CPT1B: variants seen among roughly 807,000 people sequenced by gnomAD.
CPT1B encodes the protein carnitine O-palmitoyltransferase 1, muscle isoform.
Under a neutral mutation model 92.7 loss-of-function variants are expected in CPT1B, and 57 were observed. The observed-to-expected ratio is 0.62, with a 90% confidence interval of 0.50 to 0.77. The LOEUF is 0.77. Among genes scored for constraint, CPT1B ranks in the 30% least tolerant of loss-of-function variants. The pLI, the probability that CPT1B is intolerant of heterozygous loss-of-function variation, is 0.00. For synonymous variants in CPT1B, 398 were observed against 383.5 expected (o/e 1.04, Z -0.44); for missense variants, 983 against 1,017.4 (o/e 0.97, Z 0.46).
At chr22:50,569,155 C>T (rs1460560339) in intron 19 of CPT1B, 74 bp from the exon 20 acceptor site, 9 of 573,398 alleles carry the variant, frequency 1.6e-5, no homozygotes, top group Admixed American at 6.5e-5. Context: ...TCCCTTCCTG[C>T]TCCAACCCCA....
intron 12 of CPT1B, 26 bp downstream of exon 12, chr22:50,572,177 G>A (rs1030807341): frequency 6.2e-7 from 1 of 1,611,670 alleles, no homozygotes; most frequent in South Asian, 1.1e-5. Context: ...AGCCTGCCCT[G>A]CAGGTTCCCT....
intron 16 of CPT1B, 118 bp downstream of exon 16, chr22:50,570,773 T>G: frequency 7.1e-7 from 1 of 1,402,514 alleles, no homozygotes; most frequent in East Asian, 2.3e-5. Context: ...GGCCCAGCAC[T>G]CCAGGGAGCT....
Position 50,574,564 on chromosome 22 carries a change from C to T in CPT1B, c.814G>A (p.Ala272Thr), listed in dbSNP as rs770676798. The T allele has an allele frequency of 6.2e-7, 1 of 1,614,130 alleles. No individual in the cohort carries two copies. Among genetic ancestry groups the T allele is most frequent in the South Asian group, 1.1e-5 (1 of 91,076 alleles). ...VLIKNTDVQA[A>T]RLGNIIHAMI... is the part of the protein sequence containing the mutation. ...GCGTGGATGATGTTTCCCAGGCGGGCTGCCTGCACGTCTGTATTCTTGATG... is the reference window on the plus strand; with the variant it reads ...GCGTGGATGATGTTTCCCAGGCGGGTTGCCTGCACGTCTGTATTCTTGATG... The change falls in exon 8 of 20, where the codon GCC becomes ACC. Residue 272 changes from alanine to threonine, a missense_variant. Physicochemically the swap from Ala to Thr is moderately conservative, Grantham distance 58. Transcript: ENST00000312108.
chr22:50,572,301 C>G lies in CPT1B; in HGVS notation c.1360G>C (p.Asp454His). The G allele has an allele frequency of 6.2e-7, 1 of 1,612,010 alleles. No individual in the cohort carries two copies. Among genetic ancestry groups the G allele is most frequent in the Non-Finnish European group, 8.5e-7 (1 of 1,178,304 alleles). Reference protein sequence around the residue: ...LHGNCYNRWFDKSFTLISFKN... With the variant: ...LHGNCYNRWFHKSFTLISFKN... ...AAGGAAATGAGAGTGAAGGATTTGT[C>G]AAACCACCTGCAGGAAGAGTAGACA... is the stretch of plus-strand genomic sequence containing the variant. Residue 454 changes from aspartate (D) to histidine (H), a missense_variant, in exon 12 of 20, where the codon GAC becomes CAC. Transcript: ENST00000312108.
Position 50,571,449 on chromosome 22 carries a change from T to C in CPT1B, c.1666A>G (p.Lys556Glu). Residue 556 changes from lysine (K) to glutamate (E), a missense_variant, in exon 14 of 20, where the codon AAA becomes GAA. Transcript: ENST00000312108. ...LYCFQFLPFGKGLIKKCRTSP... is the reference protein window; with the variant it reads ...LYCFQFLPFGEGLIKKCRTSP... ...GTCCGGCACTTCTTGATGAGGCCTT[T>C]GCCAAAGGGCAGGAACTGGAAGCAG... 1 of 1,613,842 alleles carries C rather than the reference T, an allele frequency of 6.2e-7. No homozygotes were observed. The highest frequency in any genetic ancestry group is 8.5e-7 in the Non-Finnish European group (1 of 1,180,036).
intron 7 of CPT1B, 62 bp from the exon 8 acceptor site, chr22:50,574,662 G>T: frequency 2.3e-6 from 3 of 1,318,770 alleles, no homozygotes; most frequent in Non-Finnish European, 2.2e-6. Flanking sequence ...GAGTCTTGCT[G>T]ACCCAAGGAC....
intron 3 of CPT1B, 47 bp from the exon 4 acceptor site, chr22:50,577,081 C>T: frequency 6.2e-7 from 1 of 1,601,176 alleles, no homozygotes; most frequent in Non-Finnish European, 8.5e-7. Context: ...TGAGGCCAGC[C>T]TCGGGTGGCT....
chr22:50,574,868 G>C (rs969919790), intron 7 of CPT1B: 5 of 432,796 alleles, frequency 1.2e-5, no homozygotes, highest in African/African-American at 8.0e-5. Flanking sequence ...AGCGGAACAA[G>C]CATGGCTCAC....
At position 50,574,509 on chromosome 22, in the gene CPT1B, C is replaced by T. The variant is rs566795408; in HGVS notation, c.869G>A (p.Arg290His). Residue 290 changes from arginine (R) to histidine (H), a missense_variant, in exon 8 of 20, where the codon CGT becomes CAT. Physicochemically the swap from Arg to His is conservative, Grantham distance 29 (BLOSUM62 0). Transcript: ENST00000312108. Reference sequence around the variant, plus strand: ...GCAACTCACAGGCTTGATTTCTTCACGGTCCAGTTTACGGCGATACATGAT... The same window carrying T: ...GCAACTCACAGGCTTGATTTCTTCATGGTCCAGTTTACGGCGATACATGAT... The part of the protein sequence containing the change: ...AMIMYRRKLD[R>H]EEIKPVMALG... 7.4e-6 allele frequency: 12 copies of T among 1,614,146 alleles called. No individual in the cohort carries two copies. The highest frequency in any genetic ancestry group is 1.3e-5 in the African/African-American group (1 of 75,040).
chr22:50,578,068 C>G (rs1276666084), intron 1 of CPT1B, 134 bp from the exon 2 acceptor site: 1 of 441,892 alleles, frequency 2.3e-6, no homozygotes, highest in African/African-American at 2.1e-5. Flanking sequence ...CGGCCCGCGC[C>G]CCCCGCCAGG....
At chr22:50,575,512 A>G (rs1830571125) in intron 7 of CPT1B, among the ~76,000 whole-genome samples, 1 of 152,162 alleles carries the variant, frequency 6.6e-6, no homozygotes, top group South Asian at 2.1e-4. Flanking sequence ...AGGAGAGAAG[A>G]GGCATGCCAT....
rs939957733 is a variant in CPT1B, at chr22:50,573,959, G to T, written c.971-244C>A. 1.1e-5 allele frequency: 8 copies of T among 706,218 alleles called. No individual in the cohort carries two copies. In the African/African-American group the frequency reaches 1.2e-4, roughly 11 times the overall value. 43.7% of individuals were successfully genotyped at this position (706,218 alleles called of 1,614,324 possible). On this transcript the variant is annotated intron_variant, in intron 9 of 19. Transcript: ENST00000312108. The surrounding 1 kb of genome is among the most constrained non-coding windows in gnomAD (Gnocchi z 5.0). ...TCACAGAAGAGGAAACGACGCACTA[G>T]AGGGTTGTGCAAACCGCCTAAGGAT...
intron 17 of CPT1B, 116 bp downstream of exon 17, chr22:50,570,177 T>G: frequency 1.4e-6 from 1 of 736,774 alleles, no homozygotes; most frequent in Admixed American, 2.6e-5. Context: ...GGTCTGGGGT[T>G]ATGCTCTCCT....
At chr22:50,572,510 G>A (rs2269385) in intron 11 of CPT1B, among the ~76,000 whole-genome samples, 15,348 of 151,968 alleles carry the variant, frequency 0.1, 1,178 homozygotes, top group East Asian at 0.4. Flanking sequence ...ATAACCTCCC[G>A]GGTTCAAGGG....
At chr22:50,572,739 C>T (rs948297345) in intron 11 of CPT1B, 136 bp downstream of exon 11, 1 of 951,336 alleles carries the variant, frequency 1.1e-6, no homozygotes, top group Non-Finnish European at 1.6e-6. Context: ...CCTGCCTTGG[C>T]CCCCAAAGTG....
chr22:50,577,600 A>G, intron 2 of CPT1B, 137 bp from the exon 3 acceptor site: 1 of 1,412,152 alleles, frequency 7.1e-7, no homozygotes, highest in South Asian at 1.3e-5. Flanking sequence ...TTCCTCCGCC[A>G]CACCCACAGC....
intron 2 of CPT1B, 108 bp downstream of exon 2, chr22:50,577,667 G>T: frequency 6.6e-7 from 1 of 1,504,094 alleles, no homozygotes; most frequent in Non-Finnish European, 9.1e-7. Flanking sequence ...TCCACAACCT[G>T]TACCGGGCAG....
At chr22:50,574,865 C>G (rs12167151) in intron 7 of CPT1B, 1 of 444,012 alleles carries the variant, frequency 2.3e-6, no homozygotes. Flanking sequence ...TGCAGCGGAA[C>G]AAGCATGGCT....
intron 1 of CPT1B, 179 bp from the exon 2 acceptor site, chr22:50,578,113 G>C (rs989654227): frequency 9.6e-6 from 2 of 207,824 alleles, no homozygotes; most frequent in African/African-American, 4.7e-5. Context: ...CAGCCTTCCG[G>C]GTGGGCACAG....
Sources: gnomAD v4.1 joint callset for allele counts (sites outside exome capture counted in the v4.1 genomes callset) on GRCh38, gnomAD v4.1.1 for gene constraint, Gnocchi (gnomAD v3.1) non-coding constraint, MANE v1.5 for transcripts, NCBI Gene and HGNC (gene_info 2026-07-23, HGNC 2026-07-21) for gene names.